The following SLC4A4 variants were observed in gnomAD, a reference collection of about 807,000 sequenced individuals.
SLC4A4 encodes electrogenic sodium bicarbonate cotransporter 1.
In SLC4A4, 27 loss-of-function variants were observed where a neutral mutation model predicts 111.5. The observed-to-expected ratio is 0.24, with a 90% CI of 0.18 to 0.33. SLC4A4 has a LOEUF of 0.33. Among genes scored for constraint, SLC4A4 ranks in the 10% least tolerant of loss-of-function variants. The probability of loss-of-function intolerance (pLI) is 1.00; values close to 1 mark genes in which losing one functional copy is unlikely to be tolerated. For synonymous variants in SLC4A4, 443 were observed against 463.4 expected, an observed-to-expected ratio of 0.96 and a Z score of 0.57; for missense variants, 909 against 1,315.5, an observed-to-expected ratio of 0.69 and a Z score of 4.78.
chr4:71,072,940 G>GTATTATTAT (rs565674196), intron 1 of SLC4A4, among the ~76,000 whole-genome samples: 1 of 151,016 alleles, frequency 6.6e-6, no homozygotes, highest in African/African-American at 2.4e-5. Flanking sequence ...GTTAATTTTT[G>GTATTATTAT]TATTATTATT....
At chr4:71,495,652 T>C (rs904665060) in intron 15 of SLC4A4, among the ~76,000 whole-genome samples, 7 of 152,162 alleles carry the variant, frequency 4.6e-5, no homozygotes, top group African/African-American at 1.7e-4. Context: ...TCTTCTTTTA[T>C]GACTATATTA....
At chr4:71,172,420 A>T (rs6826420) in intron 2 of SLC4A4, among the ~76,000 whole-genome samples, 151,811 of 152,188 alleles carry the variant, frequency 1, 75,720 homozygotes, top group Middle Eastern at 1. Context: ...CATGCCCAGC[A>T]GATTTTTGTA....
chr4:71,350,422 G>A (rs1424715886), intron 5 of SLC4A4, among the ~76,000 whole-genome samples: 1 of 151,772 alleles, frequency 6.6e-6, no homozygotes, highest in Non-Finnish European at 1.5e-5. Flanking sequence ...CTGTTGCCCA[G>A]GCTGGAGTGC....
At position 71,451,316 on chromosome 4, in the gene SLC4A4, C is replaced by T. The variant is rs151292808; in HGVS notation, c.1322+15C>T. On this transcript the variant is annotated intron_variant, in intron 11 of 25. Transcript: ENST00000264485. ...CGAACTGGACGGTAACTGACAGTTT[C>T]CTTTGCCATTCATGATGAGGTTCTC... 2.3e-4 allele frequency: 341 copies of T among 1,486,018 alleles called. 1 individual carries two copies. In the African/African-American group the frequency reaches 4.3e-3, roughly 19 times the overall value. 92.1% of individuals were successfully genotyped at this position (1,486,018 alleles called of 1,614,324 possible).
intron 1 of SLC4A4, among the ~76,000 whole-genome samples, chr4:71,202,632 T>C (rs530592293): frequency 5.3e-5 from 8 of 152,058 alleles, no homozygotes; most frequent in African/African-American, 1.9e-4. Context: ...TCTTTGAAAA[T>C]TTTTTTTAAA....
At chr4:71,131,398 G>C (rs1743698975) in intron 2 of SLC4A4, among the ~76,000 whole-genome samples, 1 of 152,118 alleles carries the variant, frequency 6.6e-6, no homozygotes, top group Non-Finnish European at 1.5e-5. Flanking sequence ...AGATCACTGG[G>C]AACTGCGTGA....
chr4:71,484,695 A>G lies in SLC4A4; in HGVS notation c.1904-2253A>G, dbSNP rs958362011. Among the ~76,000 whole-genome samples, 3 of 151,822 alleles carry G rather than the reference A, an allele frequency of 2.0e-5. No homozygotes were observed. In the East Asian group the frequency reaches 5.8e-4, roughly 29 times the overall value. ...TTTTTCTACTTCCACATTGAGAAGA[A>G]TCTCAGTGGTGGTTCAATAGGAATA... On this transcript the variant is annotated intron_variant, in intron 14 of 25. Transcript: ENST00000264485.
At chr4:71,122,699 A>T (rs571882923) in intron 2 of SLC4A4, among the ~76,000 whole-genome samples, 2 of 152,268 alleles carry the variant, frequency 1.3e-5, no homozygotes, top group African/African-American at 4.8e-5. Flanking sequence ...GAAGAAATTG[A>T]ACTGTCTCAG....
At chr4:71,185,302 A>T (rs1015883371), upstream of SLC4A4, among the ~76,000 whole-genome samples, 1 of 152,228 alleles carries the variant, frequency 6.6e-6, no homozygotes, top group African/African-American at 2.4e-5. Flanking sequence ...TTTTTAATAC[A>T]AAAGTGACTT....
chr4:71,275,944 T>A (rs554718417), intron 3 of SLC4A4, among the ~76,000 whole-genome samples: 1 of 152,360 alleles, frequency 6.6e-6, no homozygotes, highest in African/African-American at 2.4e-5. Context: ...CCACGAGATG[T>A]GGCTGCCAGG....
At chr4:71,221,787 T>G (rs1174704918) in intron 1 of SLC4A4, among the ~76,000 whole-genome samples, 1 of 152,164 alleles carries the variant, frequency 6.6e-6, no homozygotes, top group East Asian at 1.9e-4. Flanking sequence ...ACTGAAACAT[T>G]GCTCAGCACC....
chr4:71,415,302 T>C (rs1209738113), intron 7 of SLC4A4, among the ~76,000 whole-genome samples: 1 of 152,364 alleles, frequency 6.6e-6, no homozygotes, highest in African/African-American at 2.4e-5. Context: ...TTTTACTTTA[T>C]TCCCTTGGGA....
chr4:71,428,593 G>T (rs1345735761), intron 7 of SLC4A4, among the ~76,000 whole-genome samples: 1 of 151,822 alleles, frequency 6.6e-6, no homozygotes, highest in Non-Finnish European at 1.5e-5. Flanking sequence ...AATAAGAGCT[G>T]AAAATACCCG....
rs745705602 is a variant in SLC4A4 at position 71,125,978 on chromosome 4, G to GT, written c.-2+33192dup. Among the ~76,000 whole-genome samples the GT allele has an allele frequency of 8.5e-5, 13 of 152,058 alleles. 1 individual carries two copies. The highest frequency in any genetic ancestry group is 1.2e-4 in the Non-Finnish European group (8 of 67,992). ...AACTGCTGACATGCCTCTATCATAC[G>GT]TTTTTTCTGTATTTTGTTAGCTGCA... On this transcript the variant is annotated intron_variant, in intron 2 of 26. Transcript: ENST00000649996.
At chr4:71,244,516 C>T (rs1578663454) in intron 2 of SLC4A4, among the ~76,000 whole-genome samples, 2 of 152,142 alleles carry the variant, frequency 1.3e-5, no homozygotes, top group South Asian at 4.2e-4. Context: ...CTCTCATCTC[C>T]TACTTTTTTC....
Position 71,262,185 on chromosome 4 carries a change from GA to G in SLC4A4, c.253+6789del, listed in dbSNP as rs1440491930. Among the ~76,000 whole-genome samples the G allele has an allele frequency of 2.6e-5, 4 of 152,164 alleles. 1 individual carries two copies. Among genetic ancestry groups the G allele is most frequent in the Admixed American group, 2.6e-4 (4 of 15,282 alleles). ...GAAAGGTATTGGCAAGGGTCTTCTT[GA>G]AATAGTATTCTGTTTAGGAATTTTT... On this transcript the variant is annotated intron_variant, in intron 3 of 25. Coordinates refer to ENST00000264485, the MANE Select transcript of SLC4A4 (RefSeq NM_001098484.3).
At chr4:71,106,971 G>A (rs1013680229) in intron 2 of SLC4A4, among the ~76,000 whole-genome samples, 2 of 150,108 alleles carry the variant, frequency 1.3e-5, no homozygotes, top group Non-Finnish European at 3.0e-5. Context: ...TCTGTAAAGA[G>A]ACTAAAAATA....
intron 1 of SLC4A4, among the ~76,000 whole-genome samples, chr4:71,194,614 A>T (rs746492544): frequency 6.6e-6 from 1 of 152,206 alleles, no homozygotes; most frequent in Admixed American, 6.5e-5. Flanking sequence ...TTATGCCTCC[A>T]AGTAACACAC....
intron 2 of SLC4A4, among the ~76,000 whole-genome samples, chr4:71,154,929 T>C (rs571104551): frequency 6.6e-6 from 1 of 151,994 alleles, no homozygotes; most frequent in Admixed American, 6.6e-5. Flanking sequence ...AAAGAAAAAA[T>C]TTCATTCATA....
Sources: gnomAD v4.1 joint callset for allele counts (sites outside exome capture counted in the v4.1 genomes callset) on GRCh38, gnomAD v4.1.1 for gene constraint, MANE v1.5 for transcripts, NCBI Gene and HGNC (gene_info 2026-07-23, HGNC 2026-07-21) for gene names.